The following SLC35B2 variants were observed in gnomAD, a reference collection of about 807,000 sequenced individuals.
SLC35B2 encodes the protein adenosine 3'-phospho 5'-phosphosulfate transporter 1.
SLC35B2 carries 19 observed loss-of-function variants against 37.9 expected under a neutral mutation model. The ratio of observed to expected loss-of-function variants is 0.50; its 90% CI spans 0.35 to 0.74. SLC35B2 has a LOEUF of 0.74. Among genes scored for constraint, SLC35B2 ranks in the 30% least tolerant of loss-of-function variants. SLC35B2 has a pLI of 0.01. For missense variants in SLC35B2, 633 were observed against 547.6 expected (o/e 1.16, Z -1.56); for synonymous variants, 277 against 225.2 (o/e 1.23, Z -2.06).
Position 44,256,750 on chromosome 6 carries a change from G to A in SLC35B2, c.140C>T (p.Ala47Val). ...GAGGTAGCCAGGTACCATAAAGCTGGCATAGCCAGCAGCATTCACCACAAA... is the reference window on the plus strand; with the variant it reads ...GAGGTAGCCAGGTACCATAAAGCTGACATAGCCAGCAGCATTCACCACAAA... ...FRFVVNAAGYASFMVPGYLLV... is the reference protein window; with the variant it reads ...FRFVVNAAGYVSFMVPGYLLV... The change falls in exon 2 of 4, where the codon GCC becomes GTC. Residue 47 changes from alanine (A) to valine (V), a missense_variant. By Grantham distance (64) the Ala-to-Val change is moderately conservative. Transcript: ENST00000393812. 6.2e-7 allele frequency: 1 copy of A among 1,614,180 alleles called. No individual in the cohort carries two copies. The highest frequency in any genetic ancestry group is 8.5e-7 in the Non-Finnish European group (1 of 1,180,040).
chr6:44,256,079 G>C (rs560450405), intron 3 of SLC35B2, among the ~76,000 whole-genome samples: 1 of 139,198 alleles, frequency 7.2e-6, no homozygotes, highest in South Asian at 2.2e-4. Context: ...CAGAGAATAG[G>C]GCAAGAGGAG....
At chr6:44,257,557 G>GGCCCCCTCC, upstream of SLC35B2, 2 of 732,298 alleles carry the variant, frequency 2.7e-6, no homozygotes, top group Non-Finnish European at 3.6e-6. Context: ...CCCTCCCCGC[G>GGCCCCCTCC]GCCCCCTCCG....
In SLC35B2 at chr6:44,255,258, C is replaced by T. The variant is rs765145398; in HGVS notation, c.747G>A (p.Gly249=). 4.8e-5 allele frequency: 78 copies of T among 1,614,022 alleles called. No homozygotes were observed. The Middle Eastern group carries it at 6.6e-4, about 14-fold the overall frequency. The change falls in exon 4 of 4, where the codon GGG becomes GGA. Residue 249 remains glycine (G), a synonymous_variant. Transcript: ENST00000393812. ...CGCTGGATAGCAGAAACATGCTGAC[C>T]CCAATGGAGATGAGGGTGGCTGTCA... ...EYLTATLISI[G]VSMFLLSSGP... is the part of the protein sequence containing the mutation.
rs751672960 is a variant in SLC35B2, at chr6:44,254,770, C to T, written c.1235G>A (p.Arg412Gln). The T allele has an allele frequency of 1.4e-5, 22 of 1,614,050 alleles. No homozygotes were observed. The highest frequency in any genetic ancestry group is 5.3e-5 in the African/African-American group (4 of 74,906). ...FAALLLRVYA[R>Q]GRLKQRGKKA... ...CTTTCCCCGTTGCTTTAGACGGCCC[C>T]GCGCGTAGACTCTGAGCAGGAGGGC... Residue 412 changes from arginine to glutamine, a missense_variant, in exon 4 of 4, where the codon CGG (arginine) becomes CAG (glutamine). Coordinates refer to ENST00000393812, the MANE Select transcript of SLC35B2 (RefSeq NM_178148.4).
Position 44,254,998 on chromosome 6 carries a change from T to G in SLC35B2, c.1007A>C (p.Glu336Ala). Residue 336 changes from glutamate (E) to alanine (A), a missense_variant, in exon 4 of 4, where the codon GAG becomes GCG. Transcript: ENST00000393812. ...EGTRFMGRHS[E>A]FAAHALLLSI... ...GAGTAGCAGGGCATGGGCAGCAAAC[T>G]CACTGTGTCGCCCCATGAAGCGGGT... is the stretch of plus-strand genomic sequence containing the variant. 6.2e-7 allele frequency: 1 copy of G among 1,614,120 alleles called. No individual in the cohort carries two copies. The highest frequency in any genetic ancestry group is 8.5e-7 in the Non-Finnish European group (1 of 1,180,004).
chr6:44,256,866 C>A lies in SLC35B2; in HGVS notation c.24G>T (p.Val8=). ...GGGAGGGGAACGCAGCCAGCACCACCACTGCCCACCATCTGTAAGGAAAGC... is the reference window on the plus strand; with the variant it reads ...GGGAGGGGAACGCAGCCAGCACCACAACTGCCCACCATCTGTAAGGAAAGC... The part of the protein sequence containing the change: MDARWWA[V]VVLAAFPSLG... The change falls in exon 2 of 4, where the codon GTG becomes GTT. Residue 8 remains valine, a synonymous_variant. Coordinates refer to ENST00000393812, the MANE Select transcript of SLC35B2 (RefSeq NM_178148.4). The A allele has an allele frequency of 6.2e-7, 1 of 1,608,150 alleles. No individual in the cohort carries two copies. The highest frequency in any genetic ancestry group is 8.5e-7 in the Non-Finnish European group (1 of 1,177,228).
rs1161708469 is a variant in SLC35B2, at chr6:44,255,526, C to T, written c.479G>A (p.Arg160Gln). The T allele has an allele frequency of 8.7e-6, 14 of 1,614,058 alleles. No homozygotes were observed. The highest frequency in any genetic ancestry group is 1.7e-5 in the Admixed American group (1 of 60,004). Reference sequence around the variant, plus strand: ...GCCAGCCACAATCAGTGCCAGCACTCGGTTCATTAGCACCAGGAACTGCGA... The same window carrying T: ...GCCAGCCACAATCAGTGCCAGCACTTGGTTCATTAGCACCAGGAACTGCGA... ...TDSQFLVLMN[R>Q]VLALIVAGLS... is the part of the protein sequence containing the mutation. The change falls in exon 4 of 4, where the codon CGA becomes CAA. Residue 160 changes from arginine to glutamine, a missense_variant. Transcript: ENST00000393812.
At chr6:44,257,248 A>G in intron 1 of SLC35B2, 152 bp downstream of exon 1, 1 of 892,050 alleles carries the variant, frequency 1.1e-6, no homozygotes, top group Non-Finnish European at 1.5e-6. Context: ...GCACAAAACC[A>G]AGCCGCAGCT....
At chr6:44,257,232 C>A (rs998464768) in intron 1 of SLC35B2, 168 bp downstream of exon 1, 1 of 753,718 alleles carries the variant, frequency 1.3e-6, no homozygotes. Context: ...CGAAGCTCCC[C>A]AAGGAGCACA....
rs966448911 is a variant in SLC35B2 at position 44,255,342 on chromosome 6, G to A, written c.663C>T (p.Ile221=). 1 of 1,614,110 alleles carries A rather than the reference G, an allele frequency of 6.2e-7. No homozygotes were observed. The highest frequency in any genetic ancestry group is 8.5e-7 in the Non-Finnish European group (1 of 1,180,040). The change falls in exon 4 of 4, where the codon ATC becomes ATT. Residue 221 remains isoleucine, a synonymous_variant. Coordinates refer to ENST00000393812, the MANE Select transcript of SLC35B2 (RefSeq NM_178148.4). The stretch of plus-strand genomic sequence containing the variant: ...CAAGCTTTCCCATCAGCATGACAGG[G>A]ATCACCTTAGAGGCCTTGGCCAGCA... The part of the protein sequence containing the change: ...TQVLAKASKV[I]PVMLMGKLVS...
At chr6:44,257,066 A>C (rs1231977572) in intron 1 of SLC35B2, 188 bp from the exon 2 acceptor site, 5 of 681,782 alleles carry the variant, frequency 7.3e-6, no homozygotes, top group East Asian at 2.9e-5. Context: ...GGCCAGGCAG[A>C]GCTTCCTCCC....
rs775493883 is a variant in SLC35B2, at chr6:44,255,338, C to T, written c.667G>A (p.Val223Ile). Residue 223 changes from valine (V) to isoleucine (I), a missense_variant, in exon 4 of 4, where the codon GTC (valine) becomes ATC (isoleucine). Val to Ile is a conservative substitution (Grantham distance 29). Coordinates refer to ENST00000393812, the MANE Select transcript of SLC35B2 (RefSeq NM_178148.4). Reference protein sequence around the residue: ...VLAKASKVIPVMLMGKLVSRR... With the variant: ...VLAKASKVIPIMLMGKLVSRR... ...GACACAAGCTTTCCCATCAGCATGA[C>T]AGGGATCACCTTAGAGGCCTTGGCC... 1.2e-6 allele frequency: 2 copies of T among 1,614,264 alleles called. No homozygotes were observed. Among genetic ancestry groups the T allele is most frequent in the East Asian group, 4.5e-5 (2 of 44,892 alleles).
upstream of SLC35B2, chr6:44,257,562 C>T: frequency 2.9e-6 from 2 of 682,964 alleles, no homozygotes; most frequent in Non-Finnish European, 3.9e-6. Flanking sequence ...CCCGCGGCCC[C>T]CTCCGCCCCT....
Position 44,256,691 on chromosome 6 carries a change from CCAGGTAGTT to C in SLC35B2, c.190_198del (p.Asn64_Leu66del). The C allele has an allele frequency of 6.2e-7, 1 of 1,614,118 alleles. No homozygotes were observed. The highest frequency in any genetic ancestry group is 1.7e-5 in the Admixed American group (1 of 59,988). On this transcript the variant is annotated inframe_deletion, in exon 2 of 4. Coordinates refer to ENST00000393812, the MANE Select transcript of SLC35B2 (RefSeq NM_178148.4). ...CCGCCCTTTCTTCACACACCGGTCT[CCAGGTAGTT>C]CTTCCGCCTGAAGTACTGCACCAGG...
At chr6:44,257,055 T>A in intron 1 of SLC35B2, 177 bp from the exon 2 acceptor site, 1 of 734,812 alleles carries the variant, frequency 1.4e-6, no homozygotes, top group South Asian at 2.1e-5. Context: ...GCGCCGGCGC[T>A]GGCCAGGCAG....
At chr6:44,256,578 T>TCCGGCCTA (rs2153327934) in intron 2 of SLC35B2, 82 bp from the exon 3 acceptor site, 1 of 1,611,776 alleles carries the variant, frequency 6.2e-7, no homozygotes, top group Non-Finnish European at 8.5e-7. Flanking sequence ...TGCCCTGCTG[T>TCCGGCCTA]CCGGCCTACC....
At chr6:44,257,365 C>T (rs1485231084) in intron 1 of SLC35B2, 35 bp downstream of exon 1, 3 of 1,323,124 alleles carry the variant, frequency 2.3e-6, no homozygotes, top group Non-Finnish European at 2.9e-6. Flanking sequence ...CCCGGGGGCT[C>T]GGTCACGTGA....
Position 44,254,574 on chromosome 6 carries a change from G to A in SLC35B2, c.*132C>T, listed in dbSNP as rs1781158638. ...TGCCTCCTGGGCTCCCCAATCCCCT[G>A]CTGCAGAGCTGGTCTGTGATACTGA... On this transcript the variant is annotated 3_prime_UTR_variant, in exon 4 of 4. Transcript: ENST00000393812. 9.5e-7 allele frequency: 1 copy of A among 1,056,152 alleles called. No homozygotes were observed. The allele number at this position is 1,056,152 out of a possible 1,614,324, so 65.4% of individuals were successfully genotyped here.
In SLC35B2 at chr6:44,254,796, A is replaced by G. The variant is rs780009082; in HGVS notation, c.1209T>C (p.Ala403=). ...VGGLGVAVVF[A]ALLLRVYARG... Reference sequence around the variant, plus strand: ...GCGCGTAGACTCTGAGCAGGAGGGCAGCAAAGACCACAGCCACCCCCAGCC... The same window carrying G: ...GCGCGTAGACTCTGAGCAGGAGGGCGGCAAAGACCACAGCCACCCCCAGCC... The change falls in exon 4 of 4, where the codon GCT becomes GCC. Residue 403 remains alanine (A), a synonymous_variant. Transcript: ENST00000393812. The G allele has an allele frequency of 5.0e-6, 8 of 1,614,056 alleles. No homozygotes were observed. The South Asian group carries it at 6.6e-5, about 13-fold the overall frequency.
Sources: gnomAD v4.1 joint callset for allele counts (sites outside exome capture counted in the v4.1 genomes callset) on GRCh38, gnomAD v4.1.1 for gene constraint, MANE v1.5 for transcripts, NCBI Gene and HGNC (gene_info 2026-07-23, HGNC 2026-07-21) for gene names.